Variants in PTGR1 observed in about 807,000 individuals in gnomAD.
PTGR1 encodes 15-oxoprostaglandin 13-reductase.
A neutral mutation model predicts 37.7 loss-of-function variants in PTGR1; 23 were observed. The ratio of observed to expected loss-of-function variants is 0.61; its 90% CI spans 0.44 to 0.86. The LOEUF (loss-of-function observed/expected upper bound fraction) is 0.86. PTGR1 is among the 40% of genes least tolerant of loss of function. PTGR1 has a pLI of 0.00. For missense variants in PTGR1, 351 were observed against 394.3 expected (o/e 0.89, Z 0.93); for synonymous variants, 134 against 140.0 (o/e 0.96, Z 0.30).
chr9:111,588,289 C>G (rs1829503677), intron 4 of PTGR1, among the ~76,000 whole-genome samples: 1 of 151,848 alleles, frequency 6.6e-6, no homozygotes, highest in Non-Finnish European at 1.5e-5. Context: ...CTCCGCCTCC[C>G]CGGTTCACAC....
intron 9 of PTGR1, among the ~76,000 whole-genome samples, chr9:111,568,484 T>C (rs1029055078): frequency 6.6e-6 from 1 of 152,206 alleles, no homozygotes; most frequent in Admixed American, 6.5e-5. Context: ...CAAGACAATA[T>C]GTGCACAGTG....
At chr9:111,578,977 A>G in intron 6 of PTGR1, 26 bp from the exon 7 acceptor site, 1 of 1,557,730 alleles carries the variant, frequency 6.4e-7, no homozygotes, top group Non-Finnish European at 8.6e-7. Context: ...AAAAAAAAGG[A>G]AACCATGAAT....
At chr9:111,582,276 A>C (rs1829304584) in intron 6 of PTGR1, among the ~76,000 whole-genome samples, 1 of 152,242 alleles carries the variant, frequency 6.6e-6, no homozygotes, top group African/African-American at 2.4e-5. Flanking sequence ...TAAAATGGAC[A>C]GAAAGGTTGA....
At chr9:111,595,554 T>C (rs1829754199) in intron 2 of PTGR1, among the ~76,000 whole-genome samples, 1 of 152,200 alleles carries the variant, frequency 6.6e-6, no homozygotes, top group Non-Finnish European at 1.5e-5. Context: ...ATGGGACTGA[T>C]CACTTTGTCA....
rs576396992 is a variant in PTGR1 at position 111,588,607 on chromosome 9, C to T, written c.210-2442G>A. Among the ~76,000 whole-genome samples the T allele has an allele frequency of 2.3e-3, 353 of 150,848 alleles. 1 individual carries two copies. The highest frequency in any genetic ancestry group is 8.4e-3 in the African/African-American group (347 of 41,088). ...ATGGCGAGATCTCAGCTCACTGCAA[C>T]CTCCGCCTCCCAGGTTCAAGCAATT... On this transcript the variant is annotated intron_variant, in intron 4 of 9. Transcript: ENST00000407693.
chr9:111,587,331 T>C (rs1467619800), intron 4 of PTGR1, among the ~76,000 whole-genome samples: 2 of 152,182 alleles, frequency 1.3e-5, no homozygotes, highest in Non-Finnish European at 2.9e-5. Context: ...TTCTAGAAAA[T>C]TTTAAACATA....
intron 2 of PTGR1, 80 bp downstream of exon 2, chr9:111,597,237 A>G (rs1564624390): frequency 9.1e-7 from 1 of 1,096,466 alleles, no homozygotes; most frequent in East Asian, 2.4e-5. Flanking sequence ...AAGTCACTAA[A>G]CTTTGGGGTA....
At chr9:111,555,671 GC>G (rs1828102202) in intron 9 of PTGR1, among the ~76,000 whole-genome samples, 1 of 151,966 alleles carries the variant, frequency 6.6e-6, no homozygotes, top group Non-Finnish European at 1.5e-5. Flanking sequence ...GCAGGGGAGA[GC>G]AAAAAGGGGG....
At chr9:111,593,189 C>T (rs1829675971) in intron 3 of PTGR1, among the ~76,000 whole-genome samples, 1 of 152,030 alleles carries the variant, frequency 6.6e-6, no homozygotes, top group African/African-American at 2.4e-5. Flanking sequence ...GGAAGTTCTG[C>T]TCTGTGACCT....
intron 4 of PTGR1, among the ~76,000 whole-genome samples, chr9:111,591,356 C>A (rs1396283837): frequency 2.1e-5 from 3 of 146,154 alleles, no homozygotes; most frequent in South Asian, 2.2e-4. Flanking sequence ...GTACACTGGA[C>A]AATTTTTCTT....
chr9:111,596,845 T>G (rs1417667322), intron 2 of PTGR1, among the ~76,000 whole-genome samples: 1 of 145,828 alleles, frequency 6.9e-6, no homozygotes, highest in Non-Finnish European at 1.5e-5. Context: ...GAGAATCGCT[T>G]GGACCCAGAA....
rs752895237 is a variant in PTGR1, at chr9:111,594,207, C to A, written c.152+15G>T. 3 of 1,607,448 alleles carry A rather than the reference C, an allele frequency of 1.9e-6. No homozygotes were observed. Among genetic ancestry groups the A allele is most frequent in the African/African-American group, 1.3e-5 (1 of 74,718 alleles). ...AACACAGCATTAGCATTTTGAGGGG[C>A]GAAATAAATAATACCTCATGTAGGG... On this transcript the variant is annotated intron_variant, in intron 3 of 9. Coordinates refer to ENST00000407693, the MANE Select transcript of PTGR1 (RefSeq NM_001146108.2).
At chr9:111,554,673 G>A (rs1032718239) in intron 9 of PTGR1, among the ~76,000 whole-genome samples, 2 of 152,180 alleles carry the variant, frequency 1.3e-5, no homozygotes, top group African/African-American at 2.4e-5. Context: ...TAGGAGGCAC[G>A]GAGCAGGATG....
At chr9:111,593,028 A>C in intron 3 of PTGR1, 46 bp from the exon 4 acceptor site, 1 of 1,545,526 alleles carries the variant, frequency 6.5e-7, no homozygotes, top group Non-Finnish European at 8.7e-7. Flanking sequence ...TAGGTAAATA[A>C]ATAAAATTCC....
chr9:111,589,438 TAA>T (rs1829540026), intron 4 of PTGR1: 3 of 837,426 alleles, frequency 3.6e-6, no homozygotes, highest in Non-Finnish European at 4.3e-6. Flanking sequence ...TTGGTTTTTT[TAA>T]GAGACAGGGT....
At chr9:111,599,069 C>T (rs1212921023) in intron 1 of PTGR1, among the ~76,000 whole-genome samples, 1 of 152,142 alleles carries the variant, frequency 6.6e-6, no homozygotes, top group Non-Finnish European at 1.5e-5. Context: ...GCTGGGCTTC[C>T]AAACTCGCTA....
intron 2 of PTGR1, among the ~76,000 whole-genome samples, chr9:111,595,802 T>G (rs1345676114): frequency 6.6e-6 from 1 of 151,660 alleles, no homozygotes; most frequent in Admixed American, 6.6e-5. Flanking sequence ...CCCAGCTAAT[T>G]TTTTGTATTT....
At chr9:111,582,580 C>T (rs555705637) in intron 6 of PTGR1, among the ~76,000 whole-genome samples, 3 of 152,228 alleles carry the variant, frequency 2.0e-5, no homozygotes, top group South Asian at 2.1e-4. Context: ...CAGAATGGTT[C>T]GACATTGGAA....
intron 8 of PTGR1, among the ~76,000 whole-genome samples, chr9:111,573,975 T>C (rs1356558395): frequency 6.6e-6 from 1 of 152,120 alleles, no homozygotes; most frequent in Admixed American, 6.5e-5. Flanking sequence ...TTAGTGGCAA[T>C]TGTCAGCCTG....
Sources: allele counts gnomAD v4.1 joint callset (sites outside exome capture counted in the v4.1 genomes callset), GRCh38; gene constraint gnomAD v4.1.1; transcripts MANE v1.5; gene names NCBI Gene and HGNC (gene_info 2026-07-23, HGNC 2026-07-21).